The following FTO variants were observed in gnomAD, a reference collection of about 807,000 sequenced individuals.
FTO encodes alpha-ketoglutarate-dependent dioxygenase FTO.
A neutral mutation model predicts 63.9 loss-of-function variants in FTO; 47 were observed. The ratio of observed to expected loss-of-function variants is 0.74; its 90% CI spans 0.58 to 0.94. The LOEUF is 0.94. FTO is among the 40% of genes least tolerant of loss of function. FTO has a pLI of 0.00. For missense variants in FTO, 562 were observed against 618.1 expected, an observed-to-expected ratio of 0.91 and a Z score of 0.96; for synonymous variants, 207 against 224.4, an observed-to-expected ratio of 0.92 and a Z score of 0.69.
chr16:53,754,183 G>A (rs574399516), intron 1 of FTO, among the ~76,000 whole-genome samples: 22 of 152,282 alleles, frequency 1.4e-4, no homozygotes, highest in African/African-American at 5.3e-4. Flanking sequence ...GTCATGAATG[G>A]TATGGCATTT....
intron 4 of FTO, among the ~76,000 whole-genome samples, 182 bp downstream of exon 4, chr16:53,844,480 A>G (rs1454073631): frequency 6.6e-6 from 1 of 152,090 alleles, no homozygotes; most frequent in Admixed American, 6.5e-5. Context: ...ATTTTTTGAG[A>G]TGGAGCTTCA....
intron 8 of FTO, among the ~76,000 whole-genome samples, chr16:54,094,315 C>T (rs751348849): frequency 5.3e-5 from 8 of 152,276 alleles, no homozygotes; most frequent in East Asian, 1.9e-4. Flanking sequence ...CCTTCTTTTC[C>T]GAGGCTCCAG....
At chr16:54,087,998 A>T (rs2086287139) in intron 8 of FTO, among the ~76,000 whole-genome samples, 2 of 152,222 alleles carry the variant, frequency 1.3e-5, no homozygotes, top group Admixed American at 1.3e-4. Flanking sequence ...AGTTCTAGTC[A>T]CCACCATTTT....
intron 8 of FTO, among the ~76,000 whole-genome samples, chr16:53,950,102 T>C (rs1403389752): frequency 8.7e-6 from 1 of 115,472 alleles, no homozygotes. Flanking sequence ...TAACACAAAA[T>C]CTATATGAGG....
chr16:53,854,529 C>T (rs754286547), intron 4 of FTO, among the ~76,000 whole-genome samples: 21 of 152,208 alleles, frequency 1.4e-4, no homozygotes, highest in South Asian at 6.2e-4. Context: ...CCAATGTTCC[C>T]GCACTGTTTT....
chr16:54,076,009 G>T (rs2085984211), intron 8 of FTO, among the ~76,000 whole-genome samples: 1 of 152,098 alleles, frequency 6.6e-6, no homozygotes, highest in African/African-American at 2.4e-5. Flanking sequence ...AGCTCAGGTG[G>T]CTAGCCGAGT....
At chr16:54,050,475 G>A (rs188887561) in intron 8 of FTO, among the ~76,000 whole-genome samples, 2 of 152,108 alleles carry the variant, frequency 1.3e-5, no homozygotes, top group African/African-American at 4.8e-5. Flanking sequence ...AATCCTCTGG[G>A]TGATGGATGA....
intron 8 of FTO, among the ~76,000 whole-genome samples, chr16:54,101,861 T>C (rs2086649374): frequency 6.6e-6 from 1 of 152,220 alleles, no homozygotes; most frequent in African/African-American, 2.4e-5. Flanking sequence ...CCATTCTGAC[T>C]GGTGTGAGAT....
chr16:53,704,412 A>T (rs1029294613), intron 1 of FTO, among the ~76,000 whole-genome samples, 183 bp downstream of exon 1: 1 of 152,234 alleles, frequency 6.6e-6, no homozygotes, highest in Non-Finnish European at 1.5e-5. Context: ...TTCAGGATGC[A>T]GGCCGAGTCT....
At chr16:54,010,313 G>A (rs1303024523) in intron 8 of FTO, among the ~76,000 whole-genome samples, 1 of 152,100 alleles carries the variant, frequency 6.6e-6, no homozygotes, top group African/African-American at 2.4e-5. Flanking sequence ...TCAGGCGATG[G>A]GAGGATCCCT....
At chr16:53,944,444 T>C (rs958978383) in intron 8 of FTO, among the ~76,000 whole-genome samples, 2 of 152,216 alleles carry the variant, frequency 1.3e-5, no homozygotes, top group African/African-American at 4.8e-5. Flanking sequence ...GGAGAGAAAT[T>C]TATACGTGAG....
intron 1 of FTO, among the ~76,000 whole-genome samples, chr16:53,756,285 G>T (rs902250819): frequency 6.6e-6 from 1 of 152,184 alleles, no homozygotes; most frequent in Non-Finnish European, 1.5e-5. Context: ...TAATAGGTCA[G>T]GGAGCTCTCA....
At chr16:53,806,969 G>C (rs920390798) in intron 1 of FTO, among the ~76,000 whole-genome samples, 6 of 152,098 alleles carry the variant, frequency 3.9e-5, no homozygotes, top group Non-Finnish European at 7.4e-5. Flanking sequence ...TAGTGACCTC[G>C]CTTTTCATAA....
At chr16:54,048,366 A>G (rs1472550558) in intron 8 of FTO, among the ~76,000 whole-genome samples, 4 of 151,654 alleles carry the variant, frequency 2.6e-5, no homozygotes, top group South Asian at 2.1e-4. Context: ...CCCTTCATGG[A>G]AGGCCCCAGC....
chr16:53,975,576 T>C (rs1198730167), intron 8 of FTO, among the ~76,000 whole-genome samples: 2 of 152,042 alleles, frequency 1.3e-5, no homozygotes, highest in Non-Finnish European at 2.9e-5. Context: ...GATACAGATA[T>C]TGAAAATACT....
intron 8 of FTO, among the ~76,000 whole-genome samples, chr16:54,056,049 A>G (rs1315399512): frequency 6.6e-6 from 1 of 152,258 alleles, no homozygotes; most frequent in Non-Finnish European, 1.5e-5. Context: ...CACTTACAAT[A>G]GAGCACTGTA....
At chr16:53,876,460 T>G (rs1380704507) in intron 5 of FTO, among the ~76,000 whole-genome samples, 3 of 152,174 alleles carry the variant, frequency 2.0e-5, no homozygotes, top group African/African-American at 7.2e-5. Flanking sequence ...GTTAAAAACT[T>G]TTGTACTTCA....
intron 4 of FTO, among the ~76,000 whole-genome samples, chr16:53,849,734 C>A (rs982213041): frequency 1.3e-5 from 2 of 152,216 alleles, no homozygotes; most frequent in African/African-American, 4.8e-5. Context: ...TGCCATGCTT[C>A]TGTTTTTTGA....
chr16:53,768,667 T>A (rs572830542), intron 1 of FTO, among the ~76,000 whole-genome samples: 16 of 152,158 alleles, frequency 1.1e-4, no homozygotes, highest in Non-Finnish European at 2.2e-4. Context: ...CAGAGTCATT[T>A]TGGGGGTGGT....
Sources: gnomAD v4.1 joint callset for allele counts (sites outside exome capture counted in the v4.1 genomes callset) on GRCh38, gnomAD v4.1.1 for gene constraint, MANE v1.5 for transcripts, NCBI Gene and HGNC (gene_info 2026-07-23, HGNC 2026-07-21) for gene names.